The following ME2 variants were observed in gnomAD, a reference collection of about 807,000 sequenced individuals.
The protein encoded by ME2 is NAD-dependent malic enzyme, mitochondrial.
In ME2, 60 loss-of-function variants were observed where a neutral mutation model predicts 73.7. The observed-to-expected ratio is 0.81, with a 90% CI of 0.66 to 1.01. The LOEUF (loss-of-function observed/expected upper bound fraction) is 1.01. Ranked by LOEUF, ME2 falls within the 50% of genes least tolerant of loss-of-function variation. The pLI is 0.00. For missense variants in ME2, 594 were observed against 705.5 expected (o/e 0.84, Z 1.79); for synonymous variants, 199 against 236.9 (o/e 0.84, Z 1.47).
intron 3 of ME2, among the ~76,000 whole-genome samples, chr18:50,908,848 C>T (rs1917079453): frequency 6.6e-6 from 1 of 152,098 alleles, no homozygotes; most frequent in Non-Finnish European, 1.5e-5. Flanking sequence ...ACCATGTTGG[C>T]CAGGCTGGTG....
At chr18:50,941,668 C>G (rs1917964624) in intron 15 of ME2, among the ~76,000 whole-genome samples, 2 of 137,468 alleles carry the variant, frequency 1.5e-5, no homozygotes, top group South Asian at 4.9e-4. Context: ...AGCCACCACG[C>G]CCGGGCTGTG....
chr18:50,941,176 A>C (rs1234342510), intron 15 of ME2, among the ~76,000 whole-genome samples: 1 of 149,052 alleles, frequency 6.7e-6, no homozygotes, highest in Non-Finnish European at 1.5e-5. Flanking sequence ...CAGGAGAATC[A>C]CTTGAACCTG....
At chr18:50,882,395 C>T (rs557137925) in intron 1 of ME2, among the ~76,000 whole-genome samples, 1 of 152,242 alleles carries the variant, frequency 6.6e-6, no homozygotes, top group African/African-American at 2.4e-5. Context: ...AGTAGTCAAG[C>T]TCTTTATAGT....
intron 6 of ME2, 63 bp downstream of exon 6, chr18:50,917,571 C>A: frequency 8.4e-7 from 1 of 1,191,064 alleles, no homozygotes. Context: ...GTACAATATT[C>A]CTTTTTTGAA....
chr18:50,946,546 C>G (rs1239761138), intron 15 of ME2, among the ~76,000 whole-genome samples: 6 of 152,214 alleles, frequency 3.9e-5, no homozygotes, highest in Admixed American at 6.5e-5. Flanking sequence ...GGTGTCAGTT[C>G]CCCTGTATAG....
chr18:50,909,203 A>G (rs1023880579), intron 3 of ME2, among the ~76,000 whole-genome samples: 6 of 151,964 alleles, frequency 3.9e-5, no homozygotes, highest in East Asian at 1.9e-4. Flanking sequence ...GACTCAAGCA[A>G]TCTGCCCGCC....
At chr18:50,881,187 C>T (rs1916311870) in intron 1 of ME2, among the ~76,000 whole-genome samples, 1 of 152,162 alleles carries the variant, frequency 6.6e-6, no homozygotes, top group Admixed American at 6.6e-5. Context: ...CACCACCATG[C>T]CCGGCTAATT....
At chr18:50,938,187 G>T (rs117343170) in intron 13 of ME2, among the ~76,000 whole-genome samples, 19 of 152,122 alleles carry the variant, frequency 1.2e-4, no homozygotes, top group Non-Finnish European at 2.4e-4. Flanking sequence ...AATTAGCCAG[G>T]TGCGATGGTA....
chr18:50,928,611 A>AC (rs1491404157), intron 12 of ME2, among the ~76,000 whole-genome samples: 1 of 152,212 alleles, frequency 6.6e-6, no homozygotes, highest in Non-Finnish European at 1.5e-5. Context: ...GGCTGTGGAT[A>AC]AAGTTATTTT....
chr18:50,912,108 A>G (rs992839119), intron 3 of ME2, among the ~76,000 whole-genome samples: 6 of 152,196 alleles, frequency 3.9e-5, no homozygotes, highest in Non-Finnish European at 8.8e-5. Flanking sequence ...TGGGTTTCGC[A>G]TTTGGTCACG....
At chr18:50,879,663 C>T (rs1916265117) in intron 1 of ME2, among the ~76,000 whole-genome samples, 1 of 152,238 alleles carries the variant, frequency 6.6e-6, no homozygotes, top group Non-Finnish European at 1.5e-5. Flanking sequence ...CTTTCTGCAC[C>T]CCTCCACAAA....
At chr18:50,930,410 T>A (rs1015869123) in intron 12 of ME2, among the ~76,000 whole-genome samples, 5 of 152,198 alleles carry the variant, frequency 3.3e-5, no homozygotes, top group Non-Finnish European at 7.3e-5. Context: ...GAGGTGTTAC[T>A]CCAACACCGT....
intron 1 of ME2, among the ~76,000 whole-genome samples, chr18:50,891,948 A>G (rs1427676280): frequency 6.6e-6 from 1 of 150,896 alleles, no homozygotes; most frequent in Non-Finnish European, 1.5e-5. Flanking sequence ...CCACAGGTGT[A>G]CACCACCACA....
At chr18:50,898,825 A>G (rs1916815450) in intron 2 of ME2, among the ~76,000 whole-genome samples, 1 of 152,240 alleles carries the variant, frequency 6.6e-6, no homozygotes, top group Non-Finnish European at 1.5e-5. Flanking sequence ...TTTACTAGCC[A>G]TGAAACTTTG....
Position 50,947,006 on chromosome 18 carries a change from T to TAA in ME2, c.1588-11_1588-10insAA. ...CTCAGAGCCTACACAATAACCTTAC[T>TAA]TATTTTTCAGGTTACAGAATACCTA... On this transcript the variant is annotated splice_polypyrimidine_tract_variant and intron_variant, in intron 15 of 15. Coordinates refer to ENST00000321341, the MANE Select transcript of ME2 (RefSeq NM_002396.5). The TAA allele has an allele frequency of 6.2e-7, 1 of 1,603,944 alleles. No individual in the cohort carries two copies.
chr18:50,921,586 AT>A (rs566481515), intron 10 of ME2, among the ~76,000 whole-genome samples: 8 of 151,744 alleles, frequency 5.3e-5, no homozygotes, highest in Non-Finnish European at 1.0e-4. Context: ...ATTATTATTT[AT>A]TTTTTTTGAG....
At chr18:50,937,419 A>G (rs1917842692) in intron 13 of ME2, among the ~76,000 whole-genome samples, 4 of 152,222 alleles carry the variant, frequency 2.6e-5, no homozygotes, top group Admixed American at 6.5e-5. Context: ...TGATGCTCAG[A>G]GGAGGTAAAC....
At chr18:50,924,933 C>A (rs565823186) in intron 11 of ME2, among the ~76,000 whole-genome samples, 205 of 151,704 alleles carry the variant, frequency 1.4e-3, no homozygotes, top group African/African-American at 4.5e-3. Context: ...CCACCTGCCT[C>A]GGCGGGTGAG....
chr18:50,945,848 C>A (rs988828170), intron 15 of ME2, among the ~76,000 whole-genome samples: 3 of 152,164 alleles, frequency 2.0e-5, no homozygotes, highest in African/African-American at 7.2e-5. Flanking sequence ...AGGCGGATCA[C>A]CTGCGGTCAA....
Sources: allele counts gnomAD v4.1 joint callset (sites outside exome capture counted in the v4.1 genomes callset), GRCh38; gene constraint gnomAD v4.1.1; transcripts MANE v1.5; gene names NCBI Gene and HGNC (gene_info 2026-07-23, HGNC 2026-07-21).